RBPJ: variants seen among roughly 807,000 people sequenced by gnomAD.
The protein encoded by RBPJ is recombination signal binding protein for immunoglobulin kappa J region, also known as recombining binding protein suppressor of hairless.
Under a neutral mutation model 67.8 loss-of-function variants are expected in RBPJ, and 9 were observed. The ratio of observed to expected loss-of-function variants is 0.13; its 90% CI spans 0.08 to 0.23. The LOEUF is 0.23. Ranked by LOEUF, RBPJ falls within the 10% of genes least tolerant of loss-of-function variation. RBPJ has a pLI of 1.00. For missense variants in RBPJ, 305 were observed against 595.6 expected, an observed-to-expected ratio of 0.51 and a Z score of 5.08; for synonymous variants, 198 against 203.3, an observed-to-expected ratio of 0.97 and a Z score of 0.22.
At chr4:26,294,244 C>T (rs563195606) in intron 1 of RBPJ, among the ~76,000 whole-genome samples, 24 of 152,040 alleles carry the variant, frequency 1.6e-4, no homozygotes, top group African/African-American at 5.5e-4. Flanking sequence ...ATTACAGGCA[C>T]CTGCCACCAT....
intron 1 of RBPJ, among the ~76,000 whole-genome samples, chr4:26,328,264 C>T (rs1723859494): frequency 1.3e-5 from 2 of 152,020 alleles, no homozygotes; most frequent in Admixed American, 6.6e-5. Flanking sequence ...AATAGTATAA[C>T]CATGCTTTAG....
intron 1 of RBPJ, among the ~76,000 whole-genome samples, chr4:26,328,521 C>G (rs1170583569): frequency 6.6e-6 from 1 of 152,058 alleles, no homozygotes; most frequent in African/African-American, 2.4e-5. Context: ...ATTTGGAGTT[C>G]ATAGAAAAGG....
chr4:26,137,150 G>A, the RBPJ span, among the ~76,000 whole-genome samples: 1 of 152,190 alleles, frequency 6.6e-6, no homozygotes, highest in African/African-American at 2.4e-5. Flanking sequence ...GGGAATGCCT[G>A]TGGGCTGGGA....
chr4:26,419,466 CT>C (rs1734909316), intron 4 of RBPJ, among the ~76,000 whole-genome samples: 1 of 152,122 alleles, frequency 6.6e-6, no homozygotes, highest in South Asian at 2.1e-4. Flanking sequence ...GTAGTTTTGT[CT>C]GCTACCGAGG....
the RBPJ span, chr4:26,113,563 G>A: frequency 2.1e-6 from 1 of 468,744 alleles, no homozygotes; most frequent in Non-Finnish European, 4.2e-6. Flanking sequence ...CTCACGCAGG[G>A]CAGAAGCCCT....
chr4:26,169,476 C>T (rs1414771168), intron 1 of RBPJ, among the ~76,000 whole-genome samples: 1 of 152,210 alleles, frequency 6.6e-6, no homozygotes, highest in Non-Finnish European at 1.5e-5. Context: ...TGTCAGTCTG[C>T]CCCTACTGGG....
At chr4:26,261,640 T>G (rs928792801) in intron 1 of RBPJ, among the ~76,000 whole-genome samples, 3 of 152,208 alleles carry the variant, frequency 2.0e-5, no homozygotes, top group Non-Finnish European at 4.4e-5. Flanking sequence ...AGAGTCCAGA[T>G]GATGCTTTTC....
At chr4:26,138,892 G>C in the RBPJ span, among the ~76,000 whole-genome samples, 2 of 152,220 alleles carry the variant, frequency 1.3e-5, no homozygotes, top group Non-Finnish European at 2.9e-5. Flanking sequence ...AAGGCTTAGG[G>C]GTTCCATGAA....
upstream of RBPJ, chr4:26,320,776 C>A (rs1215606918): frequency 4.5e-6 from 7 of 1,554,796 alleles, no homozygotes; most frequent in Non-Finnish European, 6.1e-6. Context: ...ACGGAGGGCT[C>A]GCCCGCGGAG....
intron 1 of RBPJ, among the ~76,000 whole-genome samples, chr4:26,339,239 A>G (rs540937763): frequency 3.3e-5 from 5 of 152,124 alleles, no homozygotes; most frequent in Non-Finnish European, 5.9e-5. Context: ...ACCTTGCCAT[A>G]GTTTGGTGAG....
chr4:26,403,878 T>G (rs1342168332), intron 2 of RBPJ, among the ~76,000 whole-genome samples: 1 of 152,222 alleles, frequency 6.6e-6, no homozygotes, highest in Non-Finnish European at 1.5e-5. Context: ...TAGAATGATT[T>G]ATATTCCTCT....
At chr4:26,326,200 T>G (rs1012034073) in intron 1 of RBPJ, among the ~76,000 whole-genome samples, 1 of 152,148 alleles carries the variant, frequency 6.6e-6, no homozygotes, top group African/African-American at 2.4e-5. Context: ...ATAATTTATA[T>G]ATAGGTATTT....
At chr4:26,120,660 A>G in the RBPJ span, among the ~76,000 whole-genome samples, 1 of 150,860 alleles carries the variant, frequency 6.6e-6, no homozygotes, top group African/African-American at 2.4e-5. Context: ...ATGTTTCCTA[A>G]TAGCCATATG....
chr4:26,302,433 C>T (rs1406142191), intron 1 of RBPJ, among the ~76,000 whole-genome samples: 1 of 152,200 alleles, frequency 6.6e-6, no homozygotes, highest in African/African-American at 2.4e-5. Context: ...TTCCCCTCTC[C>T]CCAGTCCCGT....
intron 1 of RBPJ, among the ~76,000 whole-genome samples, chr4:26,297,199 G>C (rs1721902720): frequency 6.6e-6 from 1 of 152,172 alleles, no homozygotes; most frequent in Non-Finnish European, 1.5e-5. Flanking sequence ...GGGAGGCTGA[G>C]GTGGGAGGAT....
chr4:26,220,060 G>A (rs1270742975), intron 1 of RBPJ, among the ~76,000 whole-genome samples: 2 of 152,150 alleles, frequency 1.3e-5, no homozygotes, highest in African/African-American at 2.4e-5. Context: ...TGGGATTACA[G>A]GCGTGAGCCA....
chr4:26,148,641 G>C, the RBPJ span, among the ~76,000 whole-genome samples: 1 of 152,230 alleles, frequency 6.6e-6, no homozygotes, highest in South Asian at 2.1e-4. Context: ...ATGAAAGATA[G>C]ACAGAGGGAC....
chr4:26,195,754 C>T (rs1274253027), intron 1 of RBPJ, among the ~76,000 whole-genome samples: 1 of 152,042 alleles, frequency 6.6e-6, no homozygotes, highest in East Asian at 1.9e-4. Flanking sequence ...ACCACTACAC[C>T]CAGCTAATTT....
At chr4:26,386,119 G>A (rs2109633139) in intron 1 of RBPJ, among the ~76,000 whole-genome samples, 1 of 152,282 alleles carries the variant, frequency 6.6e-6, no homozygotes, top group South Asian at 2.1e-4. Context: ...TAATCAGTGT[G>A]TTACTTGTTC....
Sources: allele counts gnomAD v4.1 joint callset (sites outside exome capture counted in the v4.1 genomes callset), GRCh38; gene constraint gnomAD v4.1.1; transcripts MANE v1.5; gene names NCBI Gene and HGNC (gene_info 2026-07-23, HGNC 2026-07-21).